FYN: variants seen among roughly 807,000 people sequenced by gnomAD.
FYN encodes the protein tyrosine-protein kinase Fyn.
A neutral mutation model predicts 70.2 loss-of-function variants in FYN; 10 were observed. The ratio of observed to expected loss-of-function variants is 0.14; its 90% CI spans 0.09 to 0.24. The LOEUF (loss-of-function observed/expected upper bound fraction) is 0.24. Among genes scored for constraint, FYN ranks in the 10% least tolerant of loss-of-function variants. The pLI, the probability that FYN is intolerant of heterozygous loss-of-function variation, is 1.00. For synonymous variants in FYN, 236 were observed against 248.6 expected (o/e 0.95, Z 0.48); for missense variants, 319 against 673.1 (o/e 0.47, Z 5.82).
chr6:111,737,753 A>G (rs1157163534), intron 3 of FYN, among the ~76,000 whole-genome samples: 1 of 152,130 alleles, frequency 6.6e-6, no homozygotes, highest in African/African-American at 2.4e-5. Context: ...TCAAAGTCCC[A>G]ACCCTCTAAT....
At chr6:111,717,504 C>G (rs1800709584) in intron 4 of FYN, among the ~76,000 whole-genome samples, 1 of 151,988 alleles carries the variant, frequency 6.6e-6, no homozygotes, top group South Asian at 2.1e-4. Flanking sequence ...TCTTGTTGCC[C>G]AAGCTGGAGT....
chr6:111,703,110 C>A, intron 7 of FYN, 76 bp from the exon 8 acceptor site: 7 of 1,392,124 alleles, frequency 5.0e-6, no homozygotes, highest in Non-Finnish European at 7.0e-6. Context: ...ATTTTCTTGA[C>A]TCTGATTAAT....
chr6:111,774,953 A>T (rs1371302634), intron 3 of FYN, among the ~76,000 whole-genome samples: 1 of 152,150 alleles, frequency 6.6e-6, no homozygotes, highest in Admixed American at 6.5e-5. Flanking sequence ...TCCTGACCTC[A>T]AGTGACCCAC....
intron 12 of FYN, among the ~76,000 whole-genome samples, chr6:111,684,924 T>C (rs1427931665): frequency 6.6e-6 from 1 of 152,176 alleles, no homozygotes. Context: ...ACTGAGGCTC[T>C]GAATAATTCC....
chr6:111,753,771 A>G (rs1802588486), intron 3 of FYN, among the ~76,000 whole-genome samples: 1 of 152,260 alleles, frequency 6.6e-6, no homozygotes, highest in Non-Finnish European at 1.5e-5. Context: ...ATGGCTGCTT[A>G]AAAGTGTGAT....
chr6:111,778,205 C>A (rs969362396), intron 3 of FYN, among the ~76,000 whole-genome samples: 7 of 152,126 alleles, frequency 4.6e-5, no homozygotes, highest in African/African-American at 1.7e-4. Context: ...AAAATAGCAT[C>A]AGAGGACAAA....
intron 1 of FYN, among the ~76,000 whole-genome samples, chr6:111,872,279 A>G (rs552326903): frequency 6.6e-6 from 1 of 151,626 alleles, no homozygotes; most frequent in East Asian, 2.0e-4. Context: ...CCATGGATCT[A>G]GGGAAGTAGA....
chr6:111,821,397 T>G (rs1450863680), intron 2 of FYN, among the ~76,000 whole-genome samples: 1 of 152,186 alleles, frequency 6.6e-6, no homozygotes, highest in East Asian at 1.9e-4. Context: ...GATTCCCTAT[T>G]TAATAAATGG....
intron 3 of FYN, among the ~76,000 whole-genome samples, chr6:111,752,050 A>T (rs1802513315): frequency 6.6e-6 from 1 of 152,264 alleles, no homozygotes; most frequent in Admixed American, 6.5e-5. Context: ...ACTTTATTTT[A>T]TAAAACTGGA....
intron 2 of FYN, among the ~76,000 whole-genome samples, chr6:111,798,607 G>C (rs1375383262): frequency 6.6e-6 from 1 of 152,098 alleles, no homozygotes; most frequent in East Asian, 1.9e-4. Flanking sequence ...GTCTGGGCTG[G>C]GTAGTAACTG....
At chr6:111,848,872 A>G (rs1773604601) in intron 1 of FYN, among the ~76,000 whole-genome samples, 1 of 152,248 alleles carries the variant, frequency 6.6e-6, no homozygotes, top group Admixed American at 6.5e-5. Flanking sequence ...TTTTCTTAAA[A>G]ATCATTTTTT....
intron 3 of FYN, among the ~76,000 whole-genome samples, chr6:111,743,279 T>A (rs1357439204): frequency 6.6e-6 from 1 of 152,168 alleles, no homozygotes; most frequent in African/African-American, 2.4e-5. Context: ...ATCTTTTACA[T>A]CGTAGTTTTG....
At chr6:111,773,104 T>C (rs1318304429) in intron 3 of FYN, among the ~76,000 whole-genome samples, 2 of 150,336 alleles carry the variant, frequency 1.3e-5, no homozygotes, top group Non-Finnish European at 3.0e-5. Flanking sequence ...ATAATTTATA[T>C]ATATAATTAG....
chr6:111,767,433 G>A (rs954475121), intron 3 of FYN, among the ~76,000 whole-genome samples: 3 of 152,120 alleles, frequency 2.0e-5, no homozygotes, highest in Admixed American at 6.5e-5. Context: ...ATGAAGTCTC[G>A]CTCTGTTGCC....
chr6:111,726,777 A>G (rs1448462582), intron 3 of FYN, among the ~76,000 whole-genome samples: 1 of 152,210 alleles, frequency 6.6e-6, no homozygotes, highest in Non-Finnish European at 1.5e-5. Flanking sequence ...TCCATGTGTC[A>G]AGGGCAGGAC....
intron 12 of FYN, among the ~76,000 whole-genome samples, chr6:111,688,797 A>C (rs1449198276): frequency 6.6e-6 from 1 of 152,188 alleles, no homozygotes; most frequent in Non-Finnish European, 1.5e-5. Flanking sequence ...GAGAATGCAA[A>C]TATGAGAAAA....
intron 4 of FYN, among the ~76,000 whole-genome samples, chr6:111,717,336 T>A (rs939372968): frequency 1.3e-5 from 2 of 152,216 alleles, no homozygotes; most frequent in African/African-American, 2.4e-5. Flanking sequence ...AGCTGCTAAG[T>A]TTTGTGGCAA....
At chr6:111,816,137 T>C (rs1221009169) in intron 2 of FYN, among the ~76,000 whole-genome samples, 3 of 151,652 alleles carry the variant, frequency 2.0e-5, no homozygotes, top group Non-Finnish European at 4.4e-5. Context: ...CCTTTATGAT[T>C]TTTTTTAAGT....
intron 3 of FYN, among the ~76,000 whole-genome samples, chr6:111,727,603 T>C (rs1463454257): frequency 6.6e-6 from 1 of 152,182 alleles, no homozygotes; most frequent in Non-Finnish European, 1.5e-5. Context: ...ACTAGCCACA[T>C]GCAATCATGG....
Sources: gnomAD v4.1 joint callset for allele counts (sites outside exome capture counted in the v4.1 genomes callset) on GRCh38, gnomAD v4.1.1 for gene constraint, MANE v1.5 for transcripts, NCBI Gene and HGNC (gene_info 2026-07-23, HGNC 2026-07-21) for gene names.